ABCC5: variants seen among roughly 807,000 people sequenced by gnomAD.
ABCC5 encodes the protein ATP-binding cassette sub-family C member 5.
ABCC5 carries 61 observed loss-of-function variants against 160.9 expected under a neutral mutation model. The ratio of observed to expected loss-of-function variants is 0.38; its 90% CI spans 0.31 to 0.47. The LOEUF is 0.47. Ranked by LOEUF, ABCC5 falls within the 20% of genes least tolerant of loss-of-function variation. ABCC5 has a pLI of 0.99. For missense variants in ABCC5, 1,308 were observed against 1,813.3 expected, an observed-to-expected ratio of 0.72 and a Z score of 5.06; for synonymous variants, 666 against 700.6, an observed-to-expected ratio of 0.95 and a Z score of 0.78.
At position 183,978,577 on chromosome 3, in the gene ABCC5, T is replaced by C; in HGVS notation, c.1222A>G (p.Ile408Val). ...FQSITVGVAP[I>V]VVVIASVVTF... ...ACCACGCTGGCAATCACCACCACAATGGGAGCCACACCCACAGTGATGCTC... is the reference window on the plus strand; with the variant it reads ...ACCACGCTGGCAATCACCACCACAACGGGAGCCACACCCACAGTGATGCTC... The change falls in exon 9 of 30, where the codon ATT (isoleucine) becomes GTT (valine). Residue 408 changes from isoleucine (I) to valine (V), a missense_variant. Coordinates refer to ENST00000334444, the MANE Select transcript of ABCC5 (RefSeq NM_005688.4). 6.2e-7 allele frequency: 1 copy of C among 1,614,022 alleles called. No individual in the cohort carries two copies. The highest frequency in any genetic ancestry group is 8.5e-7 in the Non-Finnish European group (1 of 1,179,996).
Position 183,981,887 on chromosome 3 carries a change from G to A in ABCC5, c.1000-13C>T. On this transcript the variant is annotated splice_polypyrimidine_tract_variant and intron_variant, in intron 7 of 29. Coordinates refer to ENST00000334444, the MANE Select transcript of ABCC5 (RefSeq NM_005688.4). ...GTGATGCAAACATCTGAAAGGAAAA[G>A]CGATGCCACGCCAAATTAAAGCTCA... 1 of 1,584,326 alleles carries A rather than the reference G, an allele frequency of 6.3e-7. No individual in the cohort carries two copies. The highest frequency in any genetic ancestry group is 8.5e-7 in the Non-Finnish European group (1 of 1,170,458).
Position 183,942,713 on chromosome 3 carries a change from T to C in ABCC5, c.3694+14A>G. 1 of 1,609,188 alleles carries C rather than the reference T, an allele frequency of 6.2e-7. No homozygotes were observed. The highest frequency in any genetic ancestry group is 8.5e-7 in the Non-Finnish European group (1 of 1,176,328). On this transcript the variant is annotated intron_variant, in intron 25 of 29. Coordinates refer to ENST00000334444, the MANE Select transcript of ABCC5 (RefSeq NM_005688.4). ...CGTTCCAATGGATTCAAAGAAGGCT[T>C]TGCACATCCTTACCTGATCCTGTCC...
At chr3:183,984,972 T>G (rs756920260) in intron 5 of ABCC5, 44 of 1,248,570 alleles carry the variant, frequency 3.5e-5, no homozygotes, top group Non-Finnish European at 4.9e-5. Flanking sequence ...CACTGGGTAA[T>G]AGCATCAGCG....
chr3:184,002,010 A>T (rs914033184), intron 2 of ABCC5, among the ~76,000 whole-genome samples: 5 of 152,202 alleles, frequency 3.3e-5, no homozygotes, highest in African/African-American at 9.7e-5. Flanking sequence ...TATCTTCCCC[A>T]TGACTATGTG....
chr3:183,970,417 A>G (rs987965186), intron 11 of ABCC5, among the ~76,000 whole-genome samples: 2 of 148,140 alleles, frequency 1.4e-5, no homozygotes, highest in Non-Finnish European at 3.0e-5. Flanking sequence ...TCCCTGCCCC[A>G]GCACACTCTC....
At chr3:184,008,749 T>A (rs1721442308) in intron 2 of ABCC5, among the ~76,000 whole-genome samples, 1 of 152,260 alleles carries the variant, frequency 6.6e-6, no homozygotes, top group African/African-American at 2.4e-5. Context: ...GTAATCTGCA[T>A]CTTCACTTAC....
intron 28 of ABCC5, among the ~76,000 whole-genome samples, chr3:183,926,647 C>G (rs1012383372): frequency 1.3e-4 from 20 of 152,116 alleles, no homozygotes; most frequent in African/African-American, 4.8e-4. Context: ...TCTTTTTTTC[C>G]CTTGAATCCA....
At chr3:183,980,515 C>T (rs1392479167) in intron 8 of ABCC5, among the ~76,000 whole-genome samples, 1 of 152,180 alleles carries the variant, frequency 6.6e-6, no homozygotes. Context: ...ATTTGTTCCA[C>T]TCTAGTAGAA....
intron 2 of ABCC5, among the ~76,000 whole-genome samples, chr3:183,997,456 A>G (rs1210869942): frequency 6.6e-6 from 1 of 152,196 alleles, no homozygotes; most frequent in Non-Finnish European, 1.5e-5. Context: ...GTCTGTCTCA[A>G]CGATTTCTTC....
At chr3:183,927,829 A>G in intron 27 of ABCC5, 1 of 985,316 alleles carries the variant, frequency 1.0e-6, no homozygotes, top group Non-Finnish European at 1.2e-6. Flanking sequence ...CCTGTGAAAC[A>G]TTTTTTGTAA....
At chr3:183,977,793 C>A (rs994186344) in intron 9 of ABCC5, among the ~76,000 whole-genome samples, 169 bp from the exon 10 acceptor site, 1 of 152,108 alleles carries the variant, frequency 6.6e-6, no homozygotes, top group African/African-American at 2.4e-5. Flanking sequence ...CGCTCTGTCG[C>A]CCAGGCTGGA....
chr3:183,945,285 G>C (rs941308040), intron 24 of ABCC5, among the ~76,000 whole-genome samples: 1 of 152,186 alleles, frequency 6.6e-6, no homozygotes, highest in East Asian at 1.9e-4. Flanking sequence ...TGCCACCCAC[G>C]GCAAGACGGA....
rs545177666 is a variant in ABCC5, at chr3:183,956,084, A to C, written c.2483-2814T>G. ...TGTATATCACATCGGTTACATGCAGATCCGTGTGTATATCACATCTGTTAC... is the reference window on the plus strand; with the variant it reads ...TGTATATCACATCGGTTACATGCAGCTCCGTGTGTATATCACATCTGTTAC... On this transcript the variant is annotated intron_variant, in intron 17 of 29. Coordinates refer to ENST00000334444, the MANE Select transcript of ABCC5 (RefSeq NM_005688.4). Among the ~76,000 whole-genome samples, 75 of 141,266 alleles carry C rather than the reference A, an allele frequency of 5.3e-4. 6 individuals carry two copies. The highest frequency in any genetic ancestry group is 1.7e-3 in the African/African-American group (64 of 38,520). The allele number at this position is 141,266 out of a possible 152,430, so 92.7% of individuals were successfully genotyped here.
At chr3:183,958,591 T>G (rs895403275) in intron 17 of ABCC5, among the ~76,000 whole-genome samples, 1 of 151,840 alleles carries the variant, frequency 6.6e-6, no homozygotes, top group African/African-American at 2.4e-5. Flanking sequence ...AAAAAAGAAA[T>G]AAAAGAGGCA....
At chr3:183,962,487 T>C (rs1413200203) in intron 15 of ABCC5, among the ~76,000 whole-genome samples, 1 of 151,976 alleles carries the variant, frequency 6.6e-6, no homozygotes, top group African/African-American at 2.4e-5. Flanking sequence ...TTCAGTGTAT[T>C]GTGCCTCGTG....
At chr3:183,957,007 T>C (rs1294101620) in intron 17 of ABCC5, among the ~76,000 whole-genome samples, 3 of 149,510 alleles carry the variant, frequency 2.0e-5, no homozygotes, top group Admixed American at 2.0e-4. Flanking sequence ...ATCGGTTACA[T>C]GCGGATCCGT....
chr3:183,925,714 C>G lies in ABCC5; in HGVS notation c.4053G>C (p.Leu1351=), dbSNP rs1448484745. The G allele has an allele frequency of 8.7e-6, 14 of 1,612,520 alleles. No homozygotes were observed. Among genetic ancestry groups the G allele is most frequent in the South Asian group, 1.1e-5 (1 of 90,894 alleles). ...ARALLRHCKI[L]ILDEATAAMD... ...TGGCAGCTGTGGCTTCATCTAAAAT[C>G]AGAATCTGCCAGAGAAGCAGAGGAG... The change falls in exon 29 of 30, where the codon CTG becomes CTC. Residue 1351 remains leucine (L), a synonymous_variant. Coordinates refer to ENST00000334444, the MANE Select transcript of ABCC5 (RefSeq NM_005688.4).
intron 20 of ABCC5, among the ~76,000 whole-genome samples, chr3:183,950,574 T>A (rs1426512526): frequency 1.3e-5 from 2 of 152,230 alleles, no homozygotes; most frequent in Non-Finnish European, 2.9e-5. Flanking sequence ...TCATCTCTTT[T>A]TGGCTGTCTC....
intron 2 of ABCC5, among the ~76,000 whole-genome samples, chr3:184,010,220 T>C (rs1382697813): frequency 1.5e-5 from 2 of 135,752 alleles, no homozygotes; most frequent in South Asian, 2.2e-4. Flanking sequence ...TGAGCTGAGA[T>C]TGCACCACTG....
Sources: allele counts gnomAD v4.1 joint callset (sites outside exome capture counted in the v4.1 genomes callset), GRCh38; gene constraint gnomAD v4.1.1; transcripts MANE v1.5; gene names NCBI Gene and HGNC (gene_info 2026-07-23, HGNC 2026-07-21).